ADGRG2: variants seen among roughly 807,000 people sequenced by gnomAD.
ADGRG2 encodes the protein adhesion G protein-coupled receptor G2, also known as G protein-coupled receptor 64.
In ADGRG2, 26 loss-of-function variants were observed where a neutral mutation model predicts 74.1. The ratio of observed to expected loss-of-function variants is 0.35; its 90% confidence interval spans 0.26 to 0.49. The LOEUF is 0.49. Ranked by LOEUF, ADGRG2 falls within the 20% of genes least tolerant of loss-of-function variation. The probability of loss-of-function intolerance (pLI) is 0.99; values close to 1 mark genes in which losing one functional copy is unlikely to be tolerated. For missense variants in ADGRG2, 619 were observed against 763.1 expected (o/e 0.81, Z 2.22); for synonymous variants, 296 against 295.2 (o/e 1.00, Z -0.03).
intron 3 of ADGRG2, among the ~76,000 whole-genome samples, chrX:19,055,319 TCTC>T (rs1015980167): frequency 1.8e-5 from 2 of 112,130 alleles, no homozygotes; most frequent in Middle Eastern, 4.6e-3. Context: ...CCTTAGTGGT[TCTC>T]CTGTGATTGA....
In ADGRG2 at chrX:19,035,127, T is replaced by A. The variant is rs761252475; in HGVS notation, c.262+815A>T. 8.1e-5 allele frequency: 9 copies of A among 111,654 alleles called. No individual in the cohort carries two copies. The East Asian group carries it at 2.5e-3, about 31-fold the overall frequency. The allele number at this position is 111,654 out of a possible 1,213,427, so 9.2% of individuals were successfully genotyped here. A position where few individuals can be genotyped will look rare whatever the true frequency, so the allele number is the denominator to read the frequency against. ...GCGTTGAGAGAAAGATTTAATAAGA[T>A]ATGATACAGTCTCAGCAAAGGTACA... On this transcript the variant is annotated intron_variant, in intron 7 of 28. Transcript: ENST00000379869.
intron 1 of ADGRG2, among the ~76,000 whole-genome samples, chrX:19,118,450 A>G (rs958451821): frequency 4.4e-5 from 5 of 112,362 alleles, no homozygotes; most frequent in African/African-American, 1.6e-4. Flanking sequence ...CAGTGGCCCA[A>G]TCATAGCTCA....
rs772550713 is a variant in ADGRG2 at position 19,013,708 on chromosome X, G to C, written c.1077C>G (p.Thr359=). 2.5e-5 allele frequency: 30 copies of C among 1,197,172 alleles called. No individual in the cohort carries two copies. The highest frequency in any genetic ancestry group is 3.1e-5 in the Non-Finnish European group (28 of 888,973). Residue 359 remains threonine (T), a synonymous_variant, in exon 16 of 29, where the codon ACC becomes ACG. Coordinates refer to ENST00000379869, the MANE Select transcript of ADGRG2 (RefSeq NM_001079858.3). ...TACCTGTCTGGACAGGAGGTGCGCT[G>C]GTAGTGTTGACATTCGCAGGGGCAG... ...TVSAPANVNT[T]SAPPVQTDIV... is the part of the protein sequence containing the mutation.
intron 16 of ADGRG2, among the ~76,000 whole-genome samples, chrX:19,012,545 C>T (rs753851259): frequency 4.7e-5 from 5 of 106,669 alleles, no homozygotes; most frequent in African/African-American, 1.4e-4. Flanking sequence ...ATAATCCCAA[C>T]GCTTTGGGAG....
intron 2 of ADGRG2, among the ~76,000 whole-genome samples, chrX:19,081,497 G>A (rs1374890363): frequency 9.0e-6 from 1 of 111,402 alleles, no homozygotes; most frequent in African/African-American, 3.3e-5. Context: ...CCCACCCCTC[G>A]CCAGGATTCT....
At chrX:19,084,513 G>A (rs930481096) in intron 1 of ADGRG2, among the ~76,000 whole-genome samples, 6 of 111,823 alleles carry the variant, frequency 5.4e-5, no homozygotes, top group African/African-American at 9.8e-5. Context: ...CCTGTCCTAC[G>A]ATGAACAATT....
In ADGRG2 at chrX:19,046,789, G is replaced by A. The variant is rs146132114; in HGVS notation, c.119-6565C>T. ...ATGTTGGAAGGGGTCTGTCCAGTGAGACTGGAATCATGGAAGAGGCACAGC... is the reference window on the plus strand; with the variant it reads ...ATGTTGGAAGGGGTCTGTCCAGTGAAACTGGAATCATGGAAGAGGCACAGC... On this transcript the variant is annotated intron_variant, in intron 3 of 28. Coordinates refer to ENST00000379869, the MANE Select transcript of ADGRG2 (RefSeq NM_001079858.3). Among the ~76,000 whole-genome samples the A allele has an allele frequency of 7.3e-3, 820 of 111,778 alleles. 4 individuals are homozygous for A. The highest frequency in any genetic ancestry group is 0.024 in the African/African-American group (741 of 30,759).
At chrX:19,080,199 C>G (rs763884136) in intron 2 of ADGRG2, among the ~76,000 whole-genome samples, 1 of 110,627 alleles carries the variant, frequency 9.0e-6, no homozygotes, top group Non-Finnish European at 1.9e-5. Context: ...CGTGAGCCAC[C>G]GCGCCCGGCT....
At chrX:19,032,629 T>C (rs2060849770) in intron 8 of ADGRG2, 1 of 111,976 alleles carries the variant, frequency 8.9e-6, no homozygotes, top group African/African-American at 3.3e-5. Context: ...GGTCATTCCT[T>C]AAATCATGAG....
chrX:18,994,861 C>G lies in ADGRG2; in HGVS notation c.2869+35G>C, dbSNP rs376997710. 6.3e-6 allele frequency: 7 copies of G among 1,106,074 alleles called. No individual in the cohort carries two copies. In the African/African-American group the frequency reaches 1.3e-4, roughly 21 times the overall value. 91.2% of individuals were successfully genotyped at this position (1,106,074 alleles called of 1,213,427 possible). ...ATAAAACTATTTTAAAAAATAAACA[C>G]TAGCTTGAGAAATACTATATTGAGA... On this transcript the variant is annotated intron_variant, in intron 28 of 28. Coordinates refer to ENST00000379869, the MANE Select transcript of ADGRG2 (RefSeq NM_001079858.3).
At chrX:19,029,158 A>G (rs1466889488) in intron 9 of ADGRG2, among the ~76,000 whole-genome samples, 1 of 111,765 alleles carries the variant, frequency 8.9e-6, no homozygotes, top group Non-Finnish European at 1.9e-5. Context: ...AGTGTTTGAC[A>G]TGATCTATTT....
chrX:19,089,986 C>A (rs2061992328), intron 1 of ADGRG2, among the ~76,000 whole-genome samples: 1 of 112,261 alleles, frequency 8.9e-6, no homozygotes, highest in South Asian at 3.7e-4. Flanking sequence ...TTTACCCTTT[C>A]TTCCTTTCAT....
chrX:19,099,528 G>A (rs780290037), intron 1 of ADGRG2, among the ~76,000 whole-genome samples: 43 of 112,250 alleles, frequency 3.8e-4, no homozygotes, highest in Admixed American at 1.1e-3. Flanking sequence ...AACTGAGGCA[G>A]GGCACAGAGA....
chrX:19,033,329 C>T (rs1185340373), intron 8 of ADGRG2: 1 of 221,999 alleles, frequency 4.5e-6, no homozygotes, highest in African/African-American at 3.0e-5. Context: ...ATAATCATTG[C>T]CTTTATCTGC....
chrX:19,074,562 C>CTTT (rs1212446647), intron 2 of ADGRG2, among the ~76,000 whole-genome samples: 8 of 67,198 alleles, frequency 1.2e-4, no homozygotes, highest in East Asian at 5.5e-4. Flanking sequence ...TCTTCTTCTT[C>CTTT]TTTTTTTTTT....
intron 16 of ADGRG2, among the ~76,000 whole-genome samples, chrX:19,011,348 C>G (rs767092903): frequency 9.0e-6 from 1 of 111,686 alleles, no homozygotes; most frequent in African/African-American, 3.3e-5. Context: ...TCTAGCTGCA[C>G]AGAACTGCAA....
intron 3 of ADGRG2, among the ~76,000 whole-genome samples, chrX:19,051,321 G>A (rs964084537): frequency 3.2e-4 from 36 of 111,059 alleles, no homozygotes; most frequent in African/African-American, 1.0e-3. Flanking sequence ...TGATCAGCCC[G>A]CCTCGGCCTT....
chrX:18,991,203 A>T, intron 28 of ADGRG2, among the ~76,000 whole-genome samples, 155 bp from the exon 29 acceptor site: 1 of 112,014 alleles, frequency 8.9e-6, no homozygotes, highest in East Asian at 2.8e-4. Context: ...TTTATTTTTC[A>T]TTACTTCCCT....
At chrX:19,071,215 G>A (rs1385961505) in intron 2 of ADGRG2, among the ~76,000 whole-genome samples, 1 of 111,756 alleles carries the variant, frequency 8.9e-6, no homozygotes, top group African/African-American at 3.3e-5. Flanking sequence ...ACCAGGAGGT[G>A]AATCTTTCTC....
Sources: allele counts gnomAD v4.1 joint callset (sites outside exome capture counted in the v4.1 genomes callset), GRCh38; gene constraint gnomAD v4.1.1; transcripts MANE v1.5; gene names NCBI Gene and HGNC (gene_info 2026-07-23, HGNC 2026-07-21).